Variants in KANK2 observed in about 807,000 individuals in gnomAD.
KANK2 encodes the protein KN motif and ankyrin repeat domain-containing protein 2.
A neutral mutation model predicts 74.6 loss-of-function variants in KANK2; 41 were observed. The observed-to-expected ratio is 0.55, with a 90% CI of 0.43 to 0.71. The LOEUF is 0.71. KANK2 is among the 30% of genes least tolerant of loss of function. KANK2 has a pLI of 0.00. For missense variants in KANK2, 1,148 were observed against 1,196.4 expected (o/e 0.96, Z 0.60); for synonymous variants, 537 against 519.0 (o/e 1.03, Z -0.47).
chr19:11,194,587 T>C lies in KANK2; in HGVS notation c.-76A>G. On this transcript the variant is annotated 5_prime_UTR_variant, in exon 3 of 13. Transcript: ENST00000586659. ...GACTGCCTGCAGCACCGGCTGAGGC[T>C]TACCTGGGGAAAGAGAACCACGGCG... 8.1e-7 allele frequency: 1 copy of C among 1,228,512 alleles called. No individual in the cohort carries two copies. Among genetic ancestry groups the C allele is most frequent in the South Asian group, 1.2e-5 (1 of 83,382 alleles). The allele number at this position is 1,228,512 out of a possible 1,614,324, so 76.1% of individuals were successfully genotyped here.
chr19:11,170,031 C>A lies in KANK2; in HGVS notation c.2412+17G>T. On this transcript the variant is annotated intron_variant, in intron 11 of 12. Coordinates refer to ENST00000586659, the MANE Select transcript of KANK2 (RefSeq NM_001136191.3). The surrounding 1 kb of genome is among the most constrained non-coding windows in gnomAD (Gnocchi z 5.2). ...GTGCTCCCGCCCTCCCCGGGGTGCA[C>A]CTGGTTGGAGACTCACGCGATCTGT... 1 of 1,612,362 alleles carries A rather than the reference C, an allele frequency of 6.2e-7. No individual in the cohort carries two copies. The highest frequency in any genetic ancestry group is 1.3e-5 in the African/African-American group (1 of 75,032).
rs533946109 is a variant in KANK2, at chr19:11,194,705, C to T, written c.-79-115G>A. 90 of 561,164 alleles carry T rather than the reference C, an allele frequency of 1.6e-4. 1 individual carries two copies. In the East Asian group the frequency reaches 2.7e-3, roughly 17 times the overall value. 34.8% of individuals were successfully genotyped at this position (561,164 alleles called of 1,614,324 possible). On this transcript the variant is annotated intron_variant, in intron 2 of 12. Transcript: ENST00000586659. ...CAGCCCCCCAACCCAGGTCTGGGACCCACTCATAGACGCACACCCAGCCTG... is the reference window on the plus strand; with the variant it reads ...CAGCCCCCCAACCCAGGTCTGGGACTCACTCATAGACGCACACCCAGCCTG...
intron 4 of KANK2, among the ~76,000 whole-genome samples, chr19:11,187,579 G>A (rs917733105): frequency 6.6e-6 from 1 of 151,586 alleles, no homozygotes; most frequent in Non-Finnish European, 1.5e-5. Context: ...AAATGGATGG[G>A]AAAGAAGAAT....
chr19:11,194,369 G>T, intron 3 of KANK2, 106 bp downstream of exon 3: 2 of 873,846 alleles, frequency 2.3e-6, no homozygotes, highest in Non-Finnish European at 3.7e-6. Context: ...TCTAATTGTT[G>T]GGCTGTGTCC....
rs747769949 is a variant in KANK2 at position 11,193,899 on chromosome 19, G to T, written c.181C>A (p.Arg61Ser). ...CGGGGGCGGCGCTGCACTGCCACGCGTCGCAGCGTGTGGCCCTTCTCGATG... is the reference window on the plus strand; with the variant it reads ...CGGGGGCGGCGCTGCACTGCCACGCTTCGCAGCGTGTGGCCCTTCTCGATG... ...DDIEKGHTLR[R>S]VAVQRRPRLS... Residue 61 changes from arginine (R) to serine (S), a missense_variant, in exon 4 of 13, where the codon CGC (arginine) becomes AGC (serine). Physicochemically the swap from Arg to Ser is moderately radical, Grantham distance 110. Coordinates refer to ENST00000586659, the MANE Select transcript of KANK2 (RefSeq NM_001136191.3). The surrounding 1 kb of genome is among the most constrained non-coding windows in gnomAD (Gnocchi z 9.6). The T allele has an allele frequency of 1.2e-6, 2 of 1,613,666 alleles. No individual in the cohort carries two copies. The highest frequency in any genetic ancestry group is 2.7e-5 in the African/African-American group (2 of 74,918).
At chr19:11,177,640 C>T (rs1461829429) in intron 6 of KANK2, among the ~76,000 whole-genome samples, 1 of 152,192 alleles carries the variant, frequency 6.6e-6, no homozygotes, top group African/African-American at 2.4e-5. Context: ...ATGTGAGCCA[C>T]CGCGCCCGGC....
At chr19:11,178,782 C>T (rs568807603) in intron 4 of KANK2, 62 bp from the exon 5 acceptor site, 14 of 1,428,108 alleles carry the variant, frequency 9.8e-6, no homozygotes, top group East Asian at 5.3e-5. Context: ...CACAGCCCTG[C>T]GGGTCATACA....
rs2078276918 is a variant in KANK2, at chr19:11,174,579, C to T, written c.1962G>A (p.Arg654=). The T allele has an allele frequency of 5.6e-6, 9 of 1,613,350 alleles. No individual in the cohort carries two copies. The highest frequency in any genetic ancestry group is 7.6e-6 in the Non-Finnish European group (9 of 1,179,806). Residue 654 remains arginine, a synonymous_variant, in exon 9 of 13, where the codon CGG becomes CGA. Transcript: ENST00000586659. ...CGATGTTGACCACGTAGTCCAGCAG[C>T]CGCGCAGACATGGCCCGGAACGTGA... ...HLVTFRAMSA[R]LLDYVVNIAD...
chr19:11,176,482 T>C (rs1214512454), intron 7 of KANK2, 96 bp downstream of exon 7: 37 of 1,362,938 alleles, frequency 2.7e-5, no homozygotes, highest in Non-Finnish European at 3.5e-5. Context: ...GCATGACTGA[T>C]AGGAGGGTCC....
rs1042610053 is a variant in KANK2, at chr19:11,184,369, C to G, written c.1250-5649G>C. 2.8e-4 allele frequency among the ~76,000 whole-genome samples: 40 copies of G among 144,816 alleles called. 3 individuals are homozygous for G. The highest frequency in any genetic ancestry group is 9.0e-4 in the African/African-American group (36 of 39,924). On this transcript the variant is annotated intron_variant, in intron 4 of 12. Coordinates refer to ENST00000586659, the MANE Select transcript of KANK2 (RefSeq NM_001136191.3). Reference sequence around the variant, plus strand: ...CCAGCCTGGATGACAGAGCGAAACTCTGTCTCAAAAACAAAAACAAAAACA... The same window carrying G: ...CCAGCCTGGATGACAGAGCGAAACTGTGTCTCAAAAACAAAAACAAAAACA...
chr19:11,172,661 T>C (rs1286749618), intron 10 of KANK2, among the ~76,000 whole-genome samples: 1 of 152,194 alleles, frequency 6.6e-6, no homozygotes, highest in Non-Finnish European at 1.5e-5. Flanking sequence ...TGCTTATGGC[T>C]TGAAGAACGG....
intron 8 of KANK2, 148 bp downstream of exon 8, chr19:11,175,754 G>A (rs1160510994): frequency 7.3e-6 from 4 of 550,102 alleles, no homozygotes; most frequent in Non-Finnish European, 1.3e-5. Context: ...CCCATGACTT[G>A]AGCACCACCA....
In KANK2 at chr19:11,178,680, C is replaced by T. The variant is rs371486558; in HGVS notation, c.1290G>A (p.Pro430=). The T allele has an allele frequency of 1.2e-5, 19 of 1,541,704 alleles. No individual in the cohort carries two copies. Among genetic ancestry groups the T allele is most frequent in the South Asian group, 2.5e-5 (2 of 81,026 alleles). Residue 430 remains proline, a synonymous_variant, in exon 5 of 13, where the codon CCG becomes CCA. Coordinates refer to ENST00000586659, the MANE Select transcript of KANK2 (RefSeq NM_001136191.3). ...GTGTAAGGGAGGCTACCTCGGACCC[C>T]GGGGGTGACGAAGACGATTCGGCAG... ...EVPAESSSSP[P]GSEVASLTQP... is the part of the protein sequence containing the mutation.
At chr19:11,177,032 C>T (rs545216094) in intron 6 of KANK2, among the ~76,000 whole-genome samples, 51 of 149,068 alleles carry the variant, frequency 3.4e-4, no homozygotes, top group African/African-American at 1.1e-3. Flanking sequence ...TGATCATGCT[C>T]GGGGGGAGGG....
chr19:11,172,859 C>G, intron 10 of KANK2, 122 bp downstream of exon 10: 10 of 1,028,256 alleles, frequency 9.7e-6, no homozygotes, highest in Non-Finnish European at 1.4e-5. Flanking sequence ...GTGTCAGAGA[C>G]AGCCTGGCCA....
intron 4 of KANK2, among the ~76,000 whole-genome samples, chr19:11,179,035 G>A (rs1024217466): frequency 6.6e-6 from 1 of 152,186 alleles, no homozygotes; most frequent in Non-Finnish European, 1.5e-5. Flanking sequence ...ATAAGGTTTG[G>A]CCGGGCACGG....
intron 6 of KANK2, 24 bp from the exon 7 acceptor site, chr19:11,176,841 G>C (rs774962681): frequency 6.7e-7 from 1 of 1,494,088 alleles, no homozygotes; most frequent in East Asian, 2.4e-5. Flanking sequence ...AGCGGGGAGG[G>C]GGAGATGCTG....
At chr19:11,194,424 T>TGA in intron 3 of KANK2, 51 bp downstream of exon 3, 1 of 1,506,494 alleles carries the variant, frequency 6.6e-7, no homozygotes. Context: ...CCCTCAGGCC[T>TGA]CCAGAACTGA....
chr19:11,173,198 TCTCG>T, intron 9 of KANK2, 75 bp from the exon 10 acceptor site: 3 of 1,504,428 alleles, frequency 2.0e-6, no homozygotes, highest in Non-Finnish European at 2.7e-6. Flanking sequence ...GGATACCACG[TCTCG>T]TCCATCAGTC....
Sources: gnomAD v4.1 joint callset for allele counts (sites outside exome capture counted in the v4.1 genomes callset) on GRCh38, gnomAD v4.1.1 for gene constraint, Gnocchi (gnomAD v3.1) non-coding constraint, MANE v1.5 for transcripts, NCBI Gene and HGNC (gene_info 2026-07-23, HGNC 2026-07-21) for gene names.